Variants in RFX2 observed in about 807,000 individuals in gnomAD.
RFX2 encodes DNA-binding protein RFX2.
A neutral mutation model predicts 87.8 loss-of-function variants in RFX2; 20 were observed. That is an observed-to-expected ratio of 0.23 (90% CI 0.16 to 0.33). The LOEUF is 0.33. RFX2 is among the 10% of genes least tolerant of loss of function. RFX2 has a pLI of 1.00. For synonymous variants in RFX2, 397 were observed against 431.3 expected, an observed-to-expected ratio of 0.92 and a Z score of 0.98; for missense variants, 767 against 1,012.3, an observed-to-expected ratio of 0.76 and a Z score of 3.29.
At chr19:6,059,341 T>C (rs551043321) in intron 1 of RFX2, among the ~76,000 whole-genome samples, 10 of 152,246 alleles carry the variant, frequency 6.6e-5, no homozygotes, top group African/African-American at 2.4e-4. Flanking sequence ...ATCTCTGATG[T>C]GGTCTGATTT....
Position 6,044,053 on chromosome 19 carries a change from A to T in RFX2, c.180+140T>A. The T allele has an allele frequency of 2.2e-6, 1 of 445,634 alleles. No individual in the cohort carries two copies. Among genetic ancestry groups the T allele is most frequent in the Non-Finnish European group, 3.8e-6 (1 of 263,102 alleles). The allele number at this position is 445,634 out of a possible 1,614,324, so 27.6% of individuals were successfully genotyped here. On this transcript the variant is annotated intron_variant, in intron 3 of 17. Transcript: ENST00000303657. The surrounding 1 kb of genome is among the most constrained non-coding windows in gnomAD (Gnocchi z 5.3). ...TTTTTTAAAATTGCACAGCTTCTGGAAAAGTCTTTTGGCTAAGAAACTGAA... is the reference window on the plus strand; with the variant it reads ...TTTTTTAAAATTGCACAGCTTCTGGTAAAGTCTTTTGGCTAAGAAACTGAA...
At position 6,011,378 on chromosome 19, in the gene RFX2, C is replaced by T. The variant is rs952934129; in HGVS notation, c.900-1127G>A. Among the ~76,000 whole-genome samples, 12 of 152,094 alleles carry T rather than the reference C, an allele frequency of 7.9e-5. No homozygotes were observed. Among genetic ancestry groups the T allele is most frequent in the African/African-American group, 1.9e-4 (8 of 41,404 alleles). On this transcript the variant is annotated intron_variant, in intron 8 of 17. Coordinates refer to ENST00000303657, the MANE Select transcript of RFX2 (RefSeq NM_000635.4). The surrounding 1 kb of genome is among the most constrained non-coding windows in gnomAD (Gnocchi z 4.8). ...CCGGCTTGAGCTGGAGCATCTCCAG[C>T]GGACCTCCCTCCTCAAATACGAAGC... is the stretch of plus-strand genomic sequence containing the variant.
Position 6,020,854 on chromosome 19 carries a change from G to C in RFX2, c.598-4583C>G, listed in dbSNP as rs1035399836. 6.6e-6 allele frequency among the ~76,000 whole-genome samples: 1 copy of C among 152,206 alleles called. No individual in the cohort carries two copies. The highest frequency in any genetic ancestry group is 2.4e-5 in the African/African-American group (1 of 41,448). On this transcript the variant is annotated intron_variant, in intron 6 of 17. Coordinates refer to ENST00000303657, the MANE Select transcript of RFX2 (RefSeq NM_000635.4). This position sits in a 1 kb window ranked among gnomAD's most constrained non-coding sequence, Gnocchi z 5.3. ...ACGCTTTCCAAGGAAATGTACATGT[G>C]TACCCACATTTGCCACAATCTGTCA...
intron 5 of RFX2, among the ~76,000 whole-genome samples, chr19:6,038,456 G>A (rs1249087793): frequency 6.6e-6 from 1 of 151,554 alleles, no homozygotes; most frequent in African/African-American, 2.4e-5. Flanking sequence ...TTGAAAGCAT[G>A]AGCCACAGAA....
chr19:6,066,043 G>T (rs1443673152), intron 1 of RFX2, among the ~76,000 whole-genome samples: 1 of 152,160 alleles, frequency 6.6e-6, no homozygotes, highest in Admixed American at 6.6e-5. Context: ...CGCTCTGAAT[G>T]AAGTTCAGGG....
Position 6,047,569 on chromosome 19 carries a change from C to T in RFX2, c.-8-65G>A. The T allele has an allele frequency of 7.6e-7, 1 of 1,317,724 alleles. No individual in the cohort carries two copies. Among genetic ancestry groups the T allele is most frequent in the South Asian group, 1.3e-5 (1 of 79,688 alleles). The allele number at this position is 1,317,724 out of a possible 1,614,324, so 81.6% of individuals were successfully genotyped here. ...CAAGCACTGAAATCCGAAGAGGCAA[C>T]TAACAAGTTCAAGGGAGGGAAGGAG... On this transcript the variant is annotated intron_variant, in intron 1 of 17. Coordinates refer to ENST00000303657, the MANE Select transcript of RFX2 (RefSeq NM_000635.4). The surrounding 1 kb of genome is among the most constrained non-coding windows in gnomAD (Gnocchi z 4.2).
chr19:6,103,093 T>C (rs2088153810), intron 1 of RFX2, among the ~76,000 whole-genome samples: 1 of 152,368 alleles, frequency 6.6e-6, no homozygotes, highest in Non-Finnish European at 1.5e-5. Flanking sequence ...CTGGGCTTCA[T>C]TATGTAATAA....
At chr19:6,041,724 T>A (rs2087110373) in intron 4 of RFX2, among the ~76,000 whole-genome samples, 1 of 149,926 alleles carries the variant, frequency 6.7e-6, no homozygotes, top group Non-Finnish European at 1.5e-5. Flanking sequence ...CCCCGCTCCT[T>A]TTTTTTTTGG....
At position 6,077,727 on chromosome 19, in the gene RFX2, A is replaced by G. The variant is rs573120972; in HGVS notation, c.-8-30223T>C. On this transcript the variant is annotated intron_variant, in intron 1 of 17. Coordinates refer to ENST00000303657, the MANE Select transcript of RFX2 (RefSeq NM_000635.4). ...CCGGGCGCGGTGGCTCACACCTGTA[A>G]TCCCAGCACTTTGGGAGGCTGAGGC... Among the ~76,000 whole-genome samples the G allele has an allele frequency of 4.6e-5, 7 of 152,276 alleles. No homozygotes were observed. In the South Asian group the frequency reaches 1.5e-3, roughly 32 times the overall value.
In RFX2 at chr19:6,041,900, A is replaced by G. The variant is rs554019640; in HGVS notation, c.260+144T>C. 688 of 724,512 alleles carry G rather than the reference A, an allele frequency of 9.5e-4. 9 individuals carry two copies. The South Asian group carries it at 0.01, about 11-fold the overall frequency. The allele number at this position is 724,512 out of a possible 1,614,324, so 44.9% of individuals were successfully genotyped here. On this transcript the variant is annotated intron_variant, in intron 4 of 17. Coordinates refer to ENST00000303657, the MANE Select transcript of RFX2 (RefSeq NM_000635.4). ...AAAATTTTTTGTAGAGATATTGCCC[A>G]GTTTCCTAATAGCATTTTAACAGTA... is the stretch of plus-strand genomic sequence containing the variant.
intron 1 of RFX2, among the ~76,000 whole-genome samples, chr19:6,108,705 G>A (rs1023532813): frequency 7.9e-5 from 12 of 152,104 alleles, no homozygotes; most frequent in Admixed American, 3.3e-4. Flanking sequence ...AATGAAGCCT[G>A]GGGGGGCGGG....
At chr19:6,108,743 G>A (rs1274718980) in intron 1 of RFX2, among the ~76,000 whole-genome samples, 1 of 152,124 alleles carries the variant, frequency 6.6e-6, no homozygotes, top group Non-Finnish European at 1.5e-5. Flanking sequence ...TGGGTCCCGA[G>A]CTCCATCTTG....
rs1025212993 is a variant in RFX2 at position 6,101,418 on chromosome 19, C to T, written c.-9+8975G>A. ...TTATTTTCTTTGGGTTTCCACTGGC[C>T]TGGGTGGAGCCCGCATACATTTTTG... On this transcript the variant is annotated intron_variant, in intron 1 of 17. Transcript: ENST00000303657. This position sits in a 1 kb window ranked among gnomAD's most constrained non-coding sequence, Gnocchi z 4.9. Among the ~76,000 whole-genome samples, 2 of 152,172 alleles carry T rather than the reference C, an allele frequency of 1.3e-5. No individual in the cohort carries two copies. Among genetic ancestry groups the T allele is most frequent in the Non-Finnish European group, 2.9e-5 (2 of 68,024 alleles).
At chr19:6,103,728 A>C (rs1256050876) in intron 1 of RFX2, among the ~76,000 whole-genome samples, 1 of 152,198 alleles carries the variant, frequency 6.6e-6, no homozygotes, top group Non-Finnish European at 1.5e-5. Flanking sequence ...GCAGAGGGAC[A>C]TATTAGTACC....
In RFX2 at chr19:6,016,417, G is replaced by A. The variant is rs546303469; in HGVS notation, c.598-146C>T. ...ATCTTTTCTTTCTTTTTGAGGCGGA[G>A]TCTTGCTCTGTCACCCAGTCTGGAG... is the stretch of plus-strand genomic sequence containing the variant. On this transcript the variant is annotated intron_variant, in intron 6 of 17. Coordinates refer to ENST00000303657, the MANE Select transcript of RFX2 (RefSeq NM_000635.4). The surrounding 1 kb of genome is among the most constrained non-coding windows in gnomAD (Gnocchi z 5.4). The A allele has an allele frequency of 5.3e-5, 30 of 569,746 alleles. No individual in the cohort carries two copies. The highest frequency in any genetic ancestry group is 4.2e-4 in the African/African-American group (22 of 52,642). The allele number at this position is 569,746 out of a possible 1,614,324, so 35.3% of individuals were successfully genotyped here. A position where few individuals can be genotyped will look rare whatever the true frequency, so the allele number is the denominator to read the frequency against.
At position 6,016,012 on chromosome 19, in the gene RFX2, A is replaced by C; in HGVS notation, c.779+78T>G. On this transcript the variant is annotated intron_variant, in intron 7 of 17. Transcript: ENST00000303657. The surrounding 1 kb of genome is among the most constrained non-coding windows in gnomAD (Gnocchi z 5.4). ...TCAGGCCACCTGGAAAGGAGGAGGA[A>C]GCCTCGCATTTTCCCAAAAGCTCCA... 2 of 1,384,136 alleles carry C rather than the reference A, an allele frequency of 1.4e-6. No homozygotes were observed. The highest frequency in any genetic ancestry group is 2.0e-6 in the Non-Finnish European group (2 of 1,022,710). 85.7% of individuals were successfully genotyped at this position (1,384,136 alleles called of 1,614,324 possible). A position where few individuals can be genotyped will look rare whatever the true frequency, so the allele number is the denominator to read the frequency against.
At position 6,012,802 on chromosome 19, in the gene RFX2, T is replaced by A. The variant is rs1753941026; in HGVS notation, c.899+184A>T. On this transcript the variant is annotated intron_variant, in intron 8 of 17. Coordinates refer to ENST00000303657, the MANE Select transcript of RFX2 (RefSeq NM_000635.4). This position sits in a 1 kb window ranked among gnomAD's most constrained non-coding sequence, Gnocchi z 4.6. ...AGTCTGAAAAGTTAGCTGGAGGAGG[T>A]TGCATCCCAGCCTCCTGTGTCTCCT... Among the ~76,000 whole-genome samples, 1 of 152,102 alleles carries A rather than the reference T, an allele frequency of 6.6e-6. No homozygotes were observed. The highest frequency in any genetic ancestry group is 2.4e-5 in the African/African-American group (1 of 41,408).
At position 6,075,755 on chromosome 19, in the gene RFX2, C is replaced by A. The variant is rs536174005; in HGVS notation, c.-8-28251G>T. ...GATGACACCCACATGCAGCTGCCACCTAGGCAGCTAGGTACACAAGTCCAG... is the reference window on the plus strand; with the variant it reads ...GATGACACCCACATGCAGCTGCCACATAGGCAGCTAGGTACACAAGTCCAG... On this transcript the variant is annotated intron_variant, in intron 1 of 17. Coordinates refer to ENST00000303657, the MANE Select transcript of RFX2 (RefSeq NM_000635.4). Among the ~76,000 whole-genome samples, 4 of 152,264 alleles carry A rather than the reference C, an allele frequency of 2.6e-5. No homozygotes were observed. The East Asian group carries it at 7.7e-4, about 29-fold the overall frequency.
chr19:6,073,920 G>A (rs1357086164), intron 1 of RFX2, among the ~76,000 whole-genome samples: 2 of 152,156 alleles, frequency 1.3e-5, no homozygotes, highest in East Asian at 3.8e-4. Flanking sequence ...CCAATAAAAA[G>A]CCACCCAGAC....
Sources: allele counts gnomAD v4.1 joint callset (sites outside exome capture counted in the v4.1 genomes callset), GRCh38; gene constraint gnomAD v4.1.1; non-coding constraint Gnocchi (gnomAD v3.1); transcripts MANE v1.5; gene names NCBI Gene and HGNC (gene_info 2026-07-23, HGNC 2026-07-21).